CLASP1: variants seen among roughly 807,000 people sequenced by gnomAD.
The protein encoded by CLASP1 is CLIP-associating protein 1.
In CLASP1, 38 loss-of-function variants were observed where a neutral mutation model predicts 192.3. The observed-to-expected ratio is 0.20, with a 90% CI of 0.15 to 0.26. CLASP1 has a LOEUF of 0.26. CLASP1 is among the 10% of genes least tolerant of loss of function. The pLI is 1.00. For synonymous variants in CLASP1, 691 were observed against 712.8 expected (o/e 0.97, Z 0.49); for missense variants, 1,433 against 1,932.5 (o/e 0.74, Z 4.85).
At chr2:121,458,672 C>T (rs2087208953) in intron 13 of CLASP1, among the ~76,000 whole-genome samples, 168 bp downstream of exon 13, 1 of 152,056 alleles carries the variant, frequency 6.6e-6, no homozygotes, top group African/African-American at 2.4e-5. Context: ...AGCTCACATG[C>T]CACAATTAAG....
Position 121,460,139 on chromosome 2 carries a change from G to A in CLASP1, c.1033-14C>T. ...AATCTTTTTTAGCTAATGGAATAGA[G>A]AAAATTCAGAAAAATAGAAAACAAT... On this transcript the variant is annotated splice_polypyrimidine_tract_variant and intron_variant, in intron 11 of 39. Transcript: ENST00000263710. 6.3e-7 allele frequency: 1 copy of A among 1,597,268 alleles called. No individual in the cohort carries two copies. The highest frequency in any genetic ancestry group is 1.1e-5 in the South Asian group (1 of 89,540).
At chr2:121,412,930 C>G (rs1480095021) in intron 23 of CLASP1, among the ~76,000 whole-genome samples, 1 of 152,174 alleles carries the variant, frequency 6.6e-6, no homozygotes, top group East Asian at 1.9e-4. Context: ...TGCTCTCAGT[C>G]TGGTCCCTAA....
chr2:121,418,773 A>ATCTGTCTTC, intron 22 of CLASP1, 44 bp from the exon 23 acceptor site: 1 of 1,321,466 alleles, frequency 7.6e-7, no homozygotes, highest in Non-Finnish European at 1.1e-6. Context: ...GAACAAGTTT[A>ATCTGTCTTC]ATGAAGACAG....
At chr2:121,394,104 C>T (rs906523543) in intron 30 of CLASP1, among the ~76,000 whole-genome samples, 13 of 152,168 alleles carry the variant, frequency 8.5e-5, no homozygotes, top group Admixed American at 8.5e-4. Flanking sequence ...GTATTACACC[C>T]TATATAACCT....
At chr2:121,637,885 CAA>C (rs1215351109) in intron 1 of CLASP1, among the ~76,000 whole-genome samples, 2 of 126,644 alleles carry the variant, frequency 1.6e-5, no homozygotes, top group African/African-American at 2.8e-5. Flanking sequence ...GACTCCATCT[CAA>C]AAAAAAAAAG....
At chr2:121,646,212 A>G (rs2073152382) in intron 1 of CLASP1, among the ~76,000 whole-genome samples, 1 of 152,178 alleles carries the variant, frequency 6.6e-6, no homozygotes, top group Non-Finnish European at 1.5e-5. Flanking sequence ...TCCCAGACTC[A>G]GGAGATCCTC....
intron 8 of CLASP1, among the ~76,000 whole-genome samples, chr2:121,483,283 T>C (rs1287583335): frequency 6.6e-6 from 1 of 152,186 alleles, no homozygotes; most frequent in Non-Finnish European, 1.5e-5. Flanking sequence ...AGCTTCTCTC[T>C]GTGGAAACAG....
At chr2:121,607,851 G>A (rs184701197) in intron 1 of CLASP1, among the ~76,000 whole-genome samples, 71 of 152,132 alleles carry the variant, frequency 4.7e-4, no homozygotes, top group African/African-American at 1.6e-3. Flanking sequence ...TAATCTCAAC[G>A]TAAAAACATT....
At chr2:121,562,941 C>G (rs933246955) in intron 2 of CLASP1, among the ~76,000 whole-genome samples, 1 of 152,138 alleles carries the variant, frequency 6.6e-6, no homozygotes, top group Non-Finnish European at 1.5e-5. Context: ...CTTTTTGAGT[C>G]CCAATGACAG....
intron 34 of CLASP1, among the ~76,000 whole-genome samples, chr2:121,375,088 G>T (rs541265647): frequency 6.6e-6 from 1 of 152,118 alleles, no homozygotes; most frequent in Non-Finnish European, 1.5e-5. Flanking sequence ...TCCCAATGTC[G>T]GGGGAGGAAC....
chr2:121,621,995 G>A (rs573369450), intron 1 of CLASP1, among the ~76,000 whole-genome samples: 3 of 151,932 alleles, frequency 2.0e-5, no homozygotes, highest in African/African-American at 7.3e-5. Context: ...TTACAGGCGT[G>A]CACCACCACG....
At chr2:121,520,903 C>T (rs2094442608) in intron 6 of CLASP1, among the ~76,000 whole-genome samples, 2 of 152,182 alleles carry the variant, frequency 1.3e-5, no homozygotes, top group Admixed American at 1.3e-4. Flanking sequence ...GTACAGCCAT[C>T]ACACAATTCT....
Position 121,401,490 on chromosome 2 carries a change from C to T in CLASP1, c.2900+19G>A. 3.8e-6 allele frequency: 6 copies of T among 1,591,506 alleles called. No individual in the cohort carries two copies. The highest frequency in any genetic ancestry group is 4.3e-6 in the Non-Finnish European group (5 of 1,170,864). ...AGTATCCTGTAACATCAAAATGGACCTAACCCTTAAACACTTACCTTGTGA... is the reference window on the plus strand; with the variant it reads ...AGTATCCTGTAACATCAAAATGGACTTAACCCTTAAACACTTACCTTGTGA... On this transcript the variant is annotated intron_variant, in intron 28 of 39. Coordinates refer to ENST00000263710, the Ensembl canonical transcript of CLASP1.
chr2:121,640,581 C>T (rs1156349151), intron 1 of CLASP1, among the ~76,000 whole-genome samples: 2 of 152,104 alleles, frequency 1.3e-5, no homozygotes, highest in African/African-American at 4.8e-5. Context: ...CTCTACATCC[C>T]TCCTGACTAG....
chr2:121,429,955 A>T (rs753511789), intron 20 of CLASP1, 118 bp downstream of exon 20: 48 of 725,720 alleles, frequency 6.6e-5, no homozygotes, highest in African/African-American at 1.2e-4. Flanking sequence ...AGTATCTCAG[A>T]GCCACAAAAA....
At chr2:121,373,560 C>T (rs2069244197) in intron 34 of CLASP1, among the ~76,000 whole-genome samples, 1 of 152,194 alleles carries the variant, frequency 6.6e-6, no homozygotes. Context: ...AAGTTTGAAA[C>T]TTCCTAGAGA....
chr2:121,347,121 C>T, exon 39 of CLASP1: 3 of 1,582,760 alleles, frequency 1.9e-6, no homozygotes, highest in Non-Finnish European at 2.6e-6. Context: ...AACACGCTGG[C>T]CTTACGCACA....
chr2:121,484,123 T>TTAA (rs902061022), intron 8 of CLASP1, among the ~76,000 whole-genome samples: 10 of 152,204 alleles, frequency 6.6e-5, no homozygotes, highest in African/African-American at 2.4e-4. Flanking sequence ...GTGCAGTTAT[T>TTAA]CTACGTAAGG....
rs116596815 is a variant in CLASP1 at position 121,436,884 on chromosome 2, A to G, written c.1913-6707T>C. ...TTTCTAACTCTGTACTACAGTCTGG[A>G]TAAGTTCTTCCTAGCTTTCTTAATT... On this transcript the variant is annotated intron_variant, in intron 19 of 39. Coordinates refer to ENST00000263710, the Ensembl canonical transcript of CLASP1. Among the ~76,000 whole-genome samples the G allele has an allele frequency of 1.3e-4, 20 of 152,126 alleles. 1 individual carries two copies. The highest frequency in any genetic ancestry group is 5.8e-4 in the East Asian group (3 of 5,206).
Sources: allele counts gnomAD v4.1 joint callset (sites outside exome capture counted in the v4.1 genomes callset), GRCh38; gene constraint gnomAD v4.1.1; transcripts MANE v1.5; gene names NCBI Gene and HGNC (gene_info 2026-07-23, HGNC 2026-07-21).